Variants in SEC31B observed in about 807,000 individuals in gnomAD.
SEC31B encodes protein transport protein Sec31B.
In SEC31B, 113 loss-of-function variants were observed where a neutral mutation model predicts 135.0. The observed-to-expected ratio is 0.84, with a 90% CI of 0.72 to 0.98. SEC31B has a LOEUF of 0.98. Ranked by LOEUF, SEC31B falls within the 50% of genes least tolerant of loss-of-function variation. The pLI is 0.00. For missense variants in SEC31B, 1,296 were observed against 1,421.1 expected (o/e 0.91, Z 1.42); for synonymous variants, 508 against 549.4 (o/e 0.92, Z 1.05).
At position 100,498,776 on chromosome 10, in the gene SEC31B, G is replaced by C; in HGVS notation, c.1613C>G (p.Ser538Cys). The C allele has an allele frequency of 6.2e-7, 1 of 1,613,830 alleles. No individual in the cohort carries two copies. Among genetic ancestry groups the C allele is most frequent in the Non-Finnish European group, 8.5e-7 (1 of 1,179,780 alleles). Residue 538 changes from serine (S) to cysteine (C), a missense_variant, in exon 14 of 26, where the codon TCT (serine) becomes TGT (cysteine). Ser to Cys is a moderately radical substitution (Grantham distance 112, BLOSUM62 -1). Transcript: ENST00000370345. ...CTCATCAAAGAAGGCTGAGGAAGCAGAGGCTTCCTTTGTGGTGTGTTTGGA... is the reference window on the plus strand; with the variant it reads ...CTCATCAAAGAAGGCTGAGGAAGCACAGGCTTCCTTTGTGGTGTGTTTGGA... Reference protein sequence around the residue: ...QASKHTTKEASASSAFFDELV... With the variant: ...QASKHTTKEACASSAFFDELV...
chr10:100,498,470 T>C, intron 14 of SEC31B: 1 of 602,196 alleles, frequency 1.7e-6, no homozygotes, highest in Non-Finnish European at 2.9e-6. Context: ...GCCACAGTCC[T>C]TTCAGCAAGA....
chr10:100,496,229 G>T, intron 18 of SEC31B, 29 bp downstream of exon 18: 1 of 1,609,780 alleles, frequency 6.2e-7, no homozygotes. Context: ...GAATGAAATG[G>T]TTTGCTCTCT....
At chr10:100,517,102 A>G (rs1416980088) in intron 1 of SEC31B, 105 bp from the exon 2 acceptor site, 9 of 618,906 alleles carry the variant, frequency 1.5e-5, no homozygotes, top group Non-Finnish European at 2.6e-5. Flanking sequence ...TTTCAGGGCA[A>G]CACAGAGTGA....
At chr10:100,489,967 G>A in intron 21 of SEC31B, 41 bp downstream of exon 21, 2 of 1,532,684 alleles carry the variant, frequency 1.3e-6, no homozygotes, top group Non-Finnish European at 1.7e-6. Context: ...GAGCAGGGGA[G>A]GCAATAACCC....
Position 100,501,046 on chromosome 10 carries a change from C to T in SEC31B, c.1410+1208G>A, listed in dbSNP as rs1052574607. ...ACATGGTGAAACCCTGTCTCTACTA[C>T]AAAAAAAATACAAAAAATACAAAAA... On this transcript the variant is annotated intron_variant, in intron 11 of 25. Transcript: ENST00000370345. Among the ~76,000 whole-genome samples the T allele has an allele frequency of 3.9e-5, 5 of 129,434 alleles. 1 individual carries two copies. The Admixed American group carries it at 4.0e-4, about 10-fold the overall frequency. 84.9% of individuals were successfully genotyped at this position (129,434 alleles called of 152,430 possible). A position where few individuals can be genotyped will look rare whatever the true frequency, so the allele number is the denominator to read the frequency against.
intron 2 of SEC31B, among the ~76,000 whole-genome samples, chr10:100,516,613 C>G (rs995980587): frequency 7.2e-6 from 1 of 138,810 alleles, no homozygotes; most frequent in African/African-American, 2.7e-5. Context: ...CGCGCCACTG[C>G]ACTCCAGCCT....
chr10:100,488,415 CG>C (rs1324379843), intron 24 of SEC31B, among the ~76,000 whole-genome samples: 1 of 147,752 alleles, frequency 6.8e-6, no homozygotes, highest in Non-Finnish European at 1.5e-5. Flanking sequence ...GCCGAGATCG[CG>C]CCACTGCACT....
intron 3 of SEC31B, 133 bp from the exon 4 acceptor site, chr10:100,509,644 T>C (rs930909855): frequency 4.6e-6 from 3 of 653,826 alleles, no homozygotes; most frequent in Non-Finnish European, 7.7e-6. Context: ...TCTCCTTCAT[T>C]TCCCAGACAG....
chr10:100,500,087 C>T (rs747517856), intron 11 of SEC31B: 9 of 456,638 alleles, frequency 2.0e-5, no homozygotes, highest in South Asian at 1.4e-4. Context: ...CAAGAAGCTT[C>T]TAAGTCAGGG....
chr10:100,500,203 C>G (rs1181892617), intron 11 of SEC31B: 6 of 456,532 alleles, frequency 1.3e-5, no homozygotes, highest in Non-Finnish European at 2.2e-5. Flanking sequence ...GCTGAAAGGG[C>G]TCCCACAGAA....
At chr10:100,505,321 CACACAA>C in intron 10 of SEC31B, 34 bp downstream of exon 10, 4 of 1,603,108 alleles carry the variant, frequency 2.5e-6, no homozygotes, top group African/African-American at 2.7e-5. Flanking sequence ...CACACACACA[CACACAA>C]ACACACACAC....
Position 100,490,855 on chromosome 10 carries a change from A to C in SEC31B, c.2501T>G (p.Val834Gly). 6.4e-7 allele frequency: 1 copy of C among 1,550,714 alleles called. No individual in the cohort carries two copies. Among genetic ancestry groups the C allele is most frequent in the South Asian group, 1.3e-5 (1 of 79,490 alleles). ...CGCTGGTGATGACTGAGGGGTGAAA[A>C]CCCTTGGCCTTGGAGATGGAGTTGG... ...QVPTPSPRPR[V>G]FTPQSSPAMP... Residue 834 changes from valine to glycine, a missense_variant, in exon 20 of 26, where the codon GTT becomes GGT. Physicochemically the swap from Val to Gly is moderately radical, Grantham distance 109. Transcript: ENST00000370345.
At chr10:100,488,682 G>C (rs1851238234) in intron 24 of SEC31B, among the ~76,000 whole-genome samples, 176 bp downstream of exon 24, 2 of 152,080 alleles carry the variant, frequency 1.3e-5, no homozygotes, top group Non-Finnish European at 2.9e-5. Context: ...CTGGACTTCA[G>C]ACCAGACTCA....
At chr10:100,505,842 G>A in intron 9 of SEC31B, 198 bp downstream of exon 9, 1 of 1,483,476 alleles carries the variant, frequency 6.7e-7, no homozygotes, top group Non-Finnish European at 8.9e-7. Context: ...CAAGAGTCAA[G>A]GTGAAGGCCT....
Position 100,509,406 on chromosome 10 carries a change from G to T in SEC31B, c.309C>A (p.Thr103=). The T allele has an allele frequency of 6.2e-7, 1 of 1,614,134 alleles. No homozygotes were observed. The highest frequency in any genetic ancestry group is 8.5e-7 in the Non-Finnish European group (1 of 1,180,012). The change falls in exon 4 of 26, where the codon ACC becomes ACA. Residue 103 remains threonine, a synonymous_variant. Coordinates refer to ENST00000370345, the MANE Select transcript of SEC31B (RefSeq NM_015490.4). ...DNGMLILYNV[T]HILSSGKEPV... is the part of the protein sequence containing the mutation. ...GCTCCTTCCCCGAAGACAGGATGTGGGTCACATTGTATAGAATAAGCATGC... is the reference window on the plus strand; with the variant it reads ...GCTCCTTCCCCGAAGACAGGATGTGTGTCACATTGTATAGAATAAGCATGC...
At chr10:100,503,005 GTT>G (rs1306284316) in intron 10 of SEC31B, among the ~76,000 whole-genome samples, 1 of 152,050 alleles carries the variant, frequency 6.6e-6, no homozygotes, top group Admixed American at 6.6e-5. Flanking sequence ...AGCCTGTGTG[GTT>G]TCACAAGGCC....
At position 100,489,777 on chromosome 10, in the gene SEC31B, A is replaced by G. The variant is rs1196782008; in HGVS notation, c.2966-16T>C. Reference sequence around the variant, plus strand: ...TCTTGAGGTCCTATAGAATAAAAAGATAGAGGTTTTTCGGCGCATAGTGAA... The same window carrying G: ...TCTTGAGGTCCTATAGAATAAAAAGGTAGAGGTTTTTCGGCGCATAGTGAA... On this transcript the variant is annotated splice_polypyrimidine_tract_variant and intron_variant, in intron 21 of 25. Transcript: ENST00000370345. 3 of 1,613,530 alleles carry G rather than the reference A, an allele frequency of 1.9e-6. No homozygotes were observed. In the African/African-American group the frequency reaches 4.0e-5, roughly 22 times the overall value.
chr10:100,495,010 T>C (rs1462323399), intron 19 of SEC31B: 2 of 289,782 alleles, frequency 6.9e-6, no homozygotes, highest in East Asian at 1.0e-4. Context: ...GTATTTTCAG[T>C]AGAGATGGGG....
Position 100,506,055 on chromosome 10 carries a change from C to G in SEC31B, c.1029G>C (p.Met343Ile), listed in dbSNP as rs772798345. Residue 343 changes from methionine to isoleucine, a missense_variant, in exon 9 of 26, where the codon ATG (methionine) becomes ATC (isoleucine). Physicochemically the swap from Met to Ile is conservative, Grantham distance 10. Transcript: ENST00000370345. Reference sequence around the variant, plus strand: ...CCCTTCAAACCTTGTCAGCCTGTCTCATATGCTGGACTTCCCAGCTCCTAC... The same window carrying G: ...CCCTTCAAACCTTGTCAGCCTGTCTGATATGCTGGACTTCCCAGCTCCTAC... ...VMGRSWEVQH[M>I]RQADKISSSF... 2.5e-6 allele frequency: 4 copies of G among 1,613,988 alleles called. No individual in the cohort carries two copies. The highest frequency in any genetic ancestry group is 3.4e-6 in the Non-Finnish European group (4 of 1,180,020).
Sources: gnomAD v4.1 joint callset for allele counts (sites outside exome capture counted in the v4.1 genomes callset) on GRCh38, gnomAD v4.1.1 for gene constraint, MANE v1.5 for transcripts, NCBI Gene and HGNC (gene_info 2026-07-23, HGNC 2026-07-21) for gene names.